The following PTPRK variants were observed in gnomAD, a reference collection of about 807,000 sequenced individuals.
PTPRK encodes the protein protein tyrosine phosphatase receptor type K, also known as receptor-type tyrosine-protein phosphatase kappa.
A neutral mutation model predicts 178.0 loss-of-function variants in PTPRK; 75 were observed. That is an observed-to-expected ratio of 0.42 (90% CI 0.35 to 0.51). The LOEUF is 0.51. Ranked by LOEUF, PTPRK falls within the 20% of genes least tolerant of loss-of-function variation. The pLI is 0.02. For missense variants in PTPRK, 1,441 were observed against 1,797.8 expected (o/e 0.80, Z 3.59); for synonymous variants, 637 against 620.6 (o/e 1.03, Z -0.39).
intron 6 of PTPRK, among the ~76,000 whole-genome samples, chr6:128,188,178 C>G (rs1395542667): frequency 6.6e-6 from 1 of 152,122 alleles, no homozygotes; most frequent in Non-Finnish European, 1.5e-5. Context: ...CAATTAATGA[C>G]TTACATTCAT....
intron 3 of PTPRK, among the ~76,000 whole-genome samples, chr6:128,292,798 A>G (rs1345747874): frequency 6.6e-6 from 1 of 152,130 alleles, no homozygotes; most frequent in African/African-American, 2.4e-5. Context: ...TTATTGACTA[A>G]TTACTTATAA....
chr6:128,322,667 A>AATATATATATAT (rs10651820), intron 2 of PTPRK, among the ~76,000 whole-genome samples: 13 of 143,794 alleles, frequency 9.0e-5, no homozygotes, highest in African/African-American at 1.9e-4. Context: ...CTTTTAATAT[A>AATATATATATAT]ATATATATAT....
At chr6:127,981,457 G>C (rs1042355696) in intron 24 of PTPRK, among the ~76,000 whole-genome samples, 168 bp from the exon 25 acceptor site, 1 of 152,128 alleles carries the variant, frequency 6.6e-6, no homozygotes, top group African/African-American at 2.4e-5. Flanking sequence ...AGCTAATGAA[G>C]CCTGAGAAGT....
chr6:128,447,764 C>CA (rs1847219731), intron 1 of PTPRK, among the ~76,000 whole-genome samples: 1 of 151,926 alleles, frequency 6.6e-6, no homozygotes, highest in South Asian at 2.1e-4. Context: ...GCTGGGACTA[C>CA]ACGCGTGTGC....
chr6:128,214,733 T>TGATCAATGATCAAG (rs1808928050), intron 6 of PTPRK, among the ~76,000 whole-genome samples: 1 of 152,128 alleles, frequency 6.6e-6, no homozygotes, highest in Non-Finnish European at 1.5e-5. Context: ...CGTGGATCTT[T>TGATCAATGATCAAG]AATGACTTGA....
intron 7 of PTPRK, among the ~76,000 whole-genome samples, chr6:128,120,421 T>C (rs1242898290): frequency 6.6e-6 from 1 of 152,020 alleles, no homozygotes; most frequent in Non-Finnish European, 1.5e-5. Context: ...AGGCTCTTTA[T>C]TTTGAATATA....
chr6:128,278,674 C>A (rs1267151950), intron 3 of PTPRK, among the ~76,000 whole-genome samples: 1 of 152,142 alleles, frequency 6.6e-6, no homozygotes, highest in Non-Finnish European at 1.5e-5. Context: ...TAGATTTAGT[C>A]TACTTATTAT....
intron 7 of PTPRK, among the ~76,000 whole-genome samples, chr6:128,149,879 CT>C (rs1797018733): frequency 6.6e-6 from 1 of 152,190 alleles, no homozygotes; most frequent in East Asian, 1.9e-4. Context: ...TGCTGAAGGC[CT>C]TTAGAACTGA....
chr6:128,009,850 A>G (rs1464100649), intron 13 of PTPRK, among the ~76,000 whole-genome samples: 2 of 151,274 alleles, frequency 1.3e-5, no homozygotes, highest in Admixed American at 6.6e-5. Context: ...GGAATATTTC[A>G]AATTCTTTTA....
rs781123365 is a variant in PTPRK at position 128,519,088 on chromosome 6, T to C, written c.100+1171A>G. On this transcript the variant is annotated intron_variant, in intron 1 of 29. Coordinates refer to ENST00000368226, the MANE Select transcript of PTPRK (RefSeq NM_002844.4). The surrounding 1 kb of genome is among the most constrained non-coding windows in gnomAD (Gnocchi z 4.3). ...CCATCACCCTCTGGCCACCACTGCG[T>C]CTCCATCTGCACCGCGAACCCCAGC... The C allele has an allele frequency of 5.6e-6, 3 of 532,094 alleles. No individual in the cohort carries two copies. The highest frequency in any genetic ancestry group is 1.2e-5 in the Non-Finnish European group (3 of 259,582). 33.0% of individuals were successfully genotyped at this position (532,094 alleles called of 1,614,324 possible). A position where few individuals can be genotyped will look rare whatever the true frequency, so the allele number is the denominator to read the frequency against.
intron 6 of PTPRK, among the ~76,000 whole-genome samples, chr6:128,196,121 A>C (rs1430207290): frequency 6.6e-6 from 1 of 152,142 alleles, no homozygotes; most frequent in African/African-American, 2.4e-5. Context: ...TCTTTCAACT[A>C]AGAAAGGCAG....
At chr6:128,470,759 T>TC (rs1850532872) in intron 1 of PTPRK, among the ~76,000 whole-genome samples, 1 of 150,450 alleles carries the variant, frequency 6.6e-6, no homozygotes, top group Non-Finnish European at 1.5e-5. Context: ...CTTTTTTTTT[T>TC]TTTTTTTTTT....
chr6:128,374,448 C>G (rs891980111), intron 2 of PTPRK, among the ~76,000 whole-genome samples: 1 of 152,070 alleles, frequency 6.6e-6, no homozygotes, highest in Non-Finnish European at 1.5e-5. Flanking sequence ...AACCTAACTC[C>G]CATTCTTCCC....
rs138823820 is a variant in PTPRK at position 128,360,857 on chromosome 6, T to C, written c.223+36709A>G. ...GCACCGCTAGCATTAAAATTCCTTT[T>C]AGTTTTACTTATGTAAATACTACCC... On this transcript the variant is annotated intron_variant, in intron 2 of 29. Transcript: ENST00000368226. Among the ~76,000 whole-genome samples the C allele has an allele frequency of 5.1e-3, 784 of 152,274 alleles. 5 individuals are homozygous for C. Among genetic ancestry groups the C allele is most frequent in the African/African-American group, 0.018 (737 of 41,562 alleles).
At chr6:128,085,330 A>G (rs1166356902) in intron 8 of PTPRK, 1 of 152,224 alleles carries the variant, frequency 6.6e-6, no homozygotes, top group Admixed American at 6.5e-5. Context: ...ATCTGTGTCT[A>G]TTGCTAAGGC....
chr6:128,300,346 A>G (rs932893917), intron 3 of PTPRK, among the ~76,000 whole-genome samples: 1 of 152,108 alleles, frequency 6.6e-6, no homozygotes. Flanking sequence ...TAGAAATACC[A>G]TTTGACCCAG....
intron 7 of PTPRK, among the ~76,000 whole-genome samples, chr6:128,146,878 T>C (rs1421701661): frequency 1.3e-5 from 2 of 152,220 alleles, no homozygotes; most frequent in Non-Finnish European, 2.9e-5. Context: ...CAGTGTATAA[T>C]ACTCAACAAT....
chr6:128,491,645 G>A (rs1033835309), intron 1 of PTPRK: 5 of 428,540 alleles, frequency 1.2e-5, no homozygotes, highest in Admixed American at 7.4e-5. Context: ...AATTTAGACA[G>A]GCTCAGGCAC....
chr6:128,349,001 A>G (rs1832777849), intron 2 of PTPRK, among the ~76,000 whole-genome samples: 1 of 152,112 alleles, frequency 6.6e-6, no homozygotes, highest in African/African-American at 2.4e-5. Context: ...AGATTTCCAT[A>G]CTATACTTGC....
Sources: allele counts gnomAD v4.1 joint callset (sites outside exome capture counted in the v4.1 genomes callset), GRCh38; gene constraint gnomAD v4.1.1; non-coding constraint Gnocchi (gnomAD v3.1); transcripts MANE v1.5; gene names NCBI Gene and HGNC (gene_info 2026-07-23, HGNC 2026-07-21).